The following REPS2 variants were observed in gnomAD, a reference collection of about 807,000 sequenced individuals.
The protein encoded by REPS2 is ralBP1-associated Eps domain-containing protein 2.
A neutral mutation model predicts 53.6 loss-of-function variants in REPS2; 23 were observed. The observed-to-expected ratio is 0.43, with a 90% CI of 0.31 to 0.61. The LOEUF is 0.61. Among genes scored for constraint, REPS2 ranks in the 20% least tolerant of loss-of-function variants. The pLI is 0.11. For missense variants in REPS2, 446 were observed against 534.9 expected, an observed-to-expected ratio of 0.83 and a Z score of 1.64; for synonymous variants, 238 against 218.6, an observed-to-expected ratio of 1.09 and a Z score of -0.78.
At chrX:17,099,982 C>A (rs954899268) in intron 13 of REPS2, 19 of 1,154,755 alleles carry the variant, frequency 1.6e-5, no homozygotes, top group Admixed American at 2.2e-5. Context: ...AAACCCTGAG[C>A]AAAGCCTCGT....
intron 14 of REPS2, among the ~76,000 whole-genome samples, chrX:17,127,547 ATG>A: frequency 8.9e-6 from 1 of 111,956 alleles, no homozygotes; most frequent in South Asian, 3.8e-4. Flanking sequence ...AGAGAAGGGC[ATG>A]GAAATGGGGG....
At chrX:17,002,947 T>TAGC (rs890666749) in intron 1 of REPS2, among the ~76,000 whole-genome samples, 4 of 112,157 alleles carry the variant, frequency 3.6e-5, no homozygotes, top group Non-Finnish European at 7.5e-5. Flanking sequence ...AAAGCCAATT[T>TAGC]AGCAGCTACT....
intron 13 of REPS2, chrX:17,099,838 A>G (rs1333631042): frequency 1.9e-5 from 11 of 592,316 alleles, no homozygotes; most frequent in Non-Finnish European, 3.0e-5. Context: ...TCATAGAAGG[A>G]TATGACAACC....
At chrX:17,046,768 A>C (rs916759039) in intron 5 of REPS2, among the ~76,000 whole-genome samples, 1 of 111,576 alleles carries the variant, frequency 9.0e-6, no homozygotes, top group South Asian at 3.7e-4. Context: ...TGTTCTCACC[A>C]CCCAGCTCTG....
Position 17,025,112 on chromosome X carries a change from G to A in REPS2, c.600G>A (p.Pro200=), listed in dbSNP as rs774581818. ...MSPLASPPSS[P]PHYQRVPLSH... is the part of the protein sequence containing the mutation. Reference sequence around the variant, plus strand: ...CCCTCGCCTCCCCTCCTTCTTCCCCGCCTCATTACCAGAGGGTGCCCTTGA... The same window carrying A: ...CCCTCGCCTCCCCTCCTTCTTCCCCACCTCATTACCAGAGGGTGCCCTTGA... The change falls in exon 4 of 18, where the codon CCG becomes CCA. Residue 200 remains proline (P), a synonymous_variant. Coordinates refer to ENST00000357277, the MANE Select transcript of REPS2 (RefSeq NM_004726.3). The A allele has an allele frequency of 1.7e-5, 20 of 1,209,684 alleles. No homozygotes were observed. The highest frequency in any genetic ancestry group is 8.8e-5 in the South Asian group (5 of 56,810).
the REPS2 span, among the ~76,000 whole-genome samples, chrX:17,174,778 C>T: frequency 8.9e-6 from 1 of 112,701 alleles, no homozygotes; most frequent in Non-Finnish European, 1.9e-5. Flanking sequence ...TTCAATGGAG[C>T]CTGCTGTCAC....
intron 13 of REPS2, among the ~76,000 whole-genome samples, chrX:17,097,622 A>T (rs1310565535): frequency 8.9e-6 from 1 of 112,147 alleles, no homozygotes; most frequent in Admixed American, 9.4e-5. Flanking sequence ...TACAATACAG[A>T]GGCTCAAAAA....
At position 17,025,045 on chromosome X, in the gene REPS2, C is replaced by G. The variant is rs2061625716; in HGVS notation, c.547-14C>G. Reference sequence around the variant, plus strand: ...TGAGTGAGCGCCTCTGAACTCTGATCTGGTTCTTTGAAGCAGGAAACACAG... The same window carrying G: ...TGAGTGAGCGCCTCTGAACTCTGATGTGGTTCTTTGAAGCAGGAAACACAG... On this transcript the variant is annotated splice_polypyrimidine_tract_variant and intron_variant, in intron 3 of 17. Transcript: ENST00000357277. The G allele has an allele frequency of 8.2e-7, 1 of 1,212,125 alleles. No homozygotes were observed. The highest frequency in any genetic ancestry group is 1.7e-5 in the African/African-American group (1 of 57,912).
At chrX:17,126,665 C>T (rs1317586847) in intron 14 of REPS2, among the ~76,000 whole-genome samples, 4 of 111,949 alleles carry the variant, frequency 3.6e-5, no homozygotes, top group Non-Finnish European at 7.5e-5. Context: ...TCTTCTTCCC[C>T]CTAGGCCAGG....
chrX:17,004,050 A>G (rs1199360085), intron 1 of REPS2, among the ~76,000 whole-genome samples: 1 of 111,086 alleles, frequency 9.0e-6, no homozygotes, highest in African/African-American at 3.3e-5. Context: ...AGAAAACACT[A>G]CTCCATAGGT....
intron 13 of REPS2, among the ~76,000 whole-genome samples, chrX:17,091,572 GA>G (rs1450999755): frequency 8.9e-6 from 1 of 112,105 alleles, no homozygotes; most frequent in East Asian, 2.8e-4. Flanking sequence ...CAGTTACAAG[GA>G]TGTGTAAGTT....
chrX:17,189,379 G>A, the REPS2 span, among the ~76,000 whole-genome samples: 7 of 108,279 alleles, frequency 6.5e-5, no homozygotes, highest in South Asian at 1.3e-3. Flanking sequence ...TCCGCCTCCC[G>A]GGTTCAAGCA....
chrX:17,142,168 A>T (rs1254881521), intron 17 of REPS2, among the ~76,000 whole-genome samples: 1 of 111,975 alleles, frequency 8.9e-6, no homozygotes, highest in Non-Finnish European at 1.9e-5. Flanking sequence ...ATTTGCATTT[A>T]AAAAAATAAC....
At position 17,112,097 on chromosome X, in the gene REPS2, C is replaced by G. The variant is rs754543156; in HGVS notation, c.1578+8318C>G. ...GACTCAGCCTCCTGGGTAGCTGGGACTATAGGTCCTTGCTGCCACACCGAG... is the reference window on the plus strand; with the variant it reads ...GACTCAGCCTCCTGGGTAGCTGGGAGTATAGGTCCTTGCTGCCACACCGAG... On this transcript the variant is annotated intron_variant, in intron 14 of 17. Transcript: ENST00000357277. Among the ~76,000 whole-genome samples, 214 of 109,936 alleles carry G rather than the reference C, an allele frequency of 1.9e-3. 2 individuals carry two copies. Among genetic ancestry groups the G allele is most frequent in the African/African-American group, 6.8e-3 (205 of 30,117 alleles).
chrX:16,965,161 G>A (rs763455135), intron 1 of REPS2, among the ~76,000 whole-genome samples: 6 of 92,726 alleles, frequency 6.5e-5, no homozygotes, highest in South Asian at 5.7e-4. Context: ...CCTCCCTCCC[G>A]GACAGGGCGG....
chrX:16,963,108 A>T (rs1434259825), intron 1 of REPS2, among the ~76,000 whole-genome samples: 1 of 111,827 alleles, frequency 8.9e-6, no homozygotes, highest in African/African-American at 3.3e-5. Context: ...CTTAAAAAAA[A>T]AAAAGATTAA....
At chrX:16,955,039 C>T (rs932591754) in intron 1 of REPS2, among the ~76,000 whole-genome samples, 5 of 110,172 alleles carry the variant, frequency 4.5e-5, no homozygotes, top group African/African-American at 1.7e-4. Context: ...TCTTGAACTC[C>T]TGACCTCAGG....
chrX:17,033,573 C>G (rs931292344), intron 5 of REPS2, among the ~76,000 whole-genome samples: 2 of 111,993 alleles, frequency 1.8e-5, no homozygotes, highest in Non-Finnish European at 3.8e-5. Context: ...TATGCCTGTT[C>G]AGTCCCCAAG....
At chrX:17,060,996 A>G (rs1251098946) in intron 8 of REPS2, among the ~76,000 whole-genome samples, 3 of 110,847 alleles carry the variant, frequency 2.7e-5, no homozygotes, top group African/African-American at 9.9e-5. Context: ...AGAGATGTGG[A>G]CACCTTGGAG....
Sources: gnomAD v4.1 joint callset for allele counts (sites outside exome capture counted in the v4.1 genomes callset) on GRCh38, gnomAD v4.1.1 for gene constraint, MANE v1.5 for transcripts, NCBI Gene and HGNC (gene_info 2026-07-23, HGNC 2026-07-21) for gene names.